GSAP: variants seen among roughly 807,000 people sequenced by gnomAD.
The protein encoded by GSAP is gamma-secretase activating protein, also known as gamma-secretase-activating protein.
GSAP carries 118 observed loss-of-function variants against 131.7 expected under a neutral mutation model. That is an observed-to-expected ratio of 0.90 (90% CI 0.77 to 1.04). The LOEUF (loss-of-function observed/expected upper bound fraction) is 1.04, where lower values mean the gene tolerates loss of function less well. Among genes scored for constraint, GSAP ranks in the 50% least tolerant of loss-of-function variants. The pLI, the probability that GSAP is intolerant of heterozygous loss-of-function variation, is 0.00. For synonymous variants in GSAP, 381 were observed against 363.4 expected (o/e 1.05, Z -0.55); for missense variants, 1,019 against 1,013.2 (o/e 1.01, Z -0.08).
chr7:77,416,217 G>A lies in GSAP; in HGVS notation c.105C>T (p.Gly35=). Residue 35 remains glycine, a synonymous_variant, in exon 1 of 31, where the codon GGC becomes GGT. Transcript: ENST00000257626. The stretch of plus-strand genomic sequence containing the variant: ...TCCGCAGCGCGCCTCCCGCACCTGC[G>A]CCGCCGCTTCCGGCCCCGCTGGCCT... ...VSEASGAGSG[G]ADVLENDYES... 2 of 1,393,912 alleles carry A rather than the reference G, an allele frequency of 1.4e-6. No homozygotes were observed. The highest frequency in any genetic ancestry group is 1.6e-5 in the African/African-American group (1 of 64,502). 86.3% of individuals were successfully genotyped at this position (1,393,912 alleles called of 1,614,324 possible). A position where few individuals can be genotyped will look rare whatever the true frequency, so the allele number is the denominator to read the frequency against.
chr7:77,349,605 A>C (rs1792463086), intron 18 of GSAP, among the ~76,000 whole-genome samples: 1 of 152,210 alleles, frequency 6.6e-6, no homozygotes, highest in Non-Finnish European at 1.5e-5. Flanking sequence ...ACATTCTTTA[A>C]AGTCACAATT....
At chr7:77,344,191 C>T (rs1791452068) in intron 19 of GSAP, among the ~76,000 whole-genome samples, 1 of 152,166 alleles carries the variant, frequency 6.6e-6, no homozygotes, top group Admixed American at 6.5e-5. Context: ...AGTCCAATAA[C>T]ACACAGGCCT....
intron 19 of GSAP, among the ~76,000 whole-genome samples, chr7:77,333,545 G>T (rs968724213): frequency 2.0e-5 from 3 of 152,114 alleles, no homozygotes; most frequent in African/African-American, 7.2e-5. Flanking sequence ...GTTCAGCCAG[G>T]ACTGACAACA....
rs149046223 is a variant in GSAP, at chr7:77,330,128, C to T, written c.1674+111G>A. 4.5e-3 allele frequency: 5,590 copies of T among 1,250,742 alleles called. 21 individuals carry two copies. The highest frequency in any genetic ancestry group is 0.022 in the Middle Eastern group (88 of 4,030). 77.5% of individuals were successfully genotyped at this position (1,250,742 alleles called of 1,614,324 possible). On this transcript the variant is annotated intron_variant, in intron 20 of 30. Coordinates refer to ENST00000257626, the MANE Select transcript of GSAP (RefSeq NM_017439.4). ...GTAATGACAATGATCAAGTCCCTGGCAATTGGGAAGAGTGCTGCACATGGA... is the reference window on the plus strand; with the variant it reads ...GTAATGACAATGATCAAGTCCCTGGTAATTGGGAAGAGTGCTGCACATGGA...
At chr7:77,402,270 C>A (rs1005174211) in intron 3 of GSAP, among the ~76,000 whole-genome samples, 22 of 150,244 alleles carry the variant, frequency 1.5e-4, no homozygotes, top group African/African-American at 5.4e-4. Context: ...AATCTTAGGC[C>A]GGGCACGGTG....
chr7:77,377,339 C>G lies in GSAP; in HGVS notation c.628G>C (p.Val210Leu), dbSNP rs201156464. 114 of 1,563,636 alleles carry G rather than the reference C, an allele frequency of 7.3e-5. No homozygotes were observed. Among genetic ancestry groups the G allele is most frequent in the Non-Finnish European group, 9.5e-5 (110 of 1,160,914 alleles). ...TCTGACATATCCCACTGAGCCCAAA[C>G]GAAATCCTCAGCTATTCTGTCTCTT... The part of the protein sequence containing the change: ...LPRDRIAEDF[V>L]WAQWDMSEQR... Residue 210 changes from valine to leucine, a missense_variant, in exon 9 of 31, where the codon GTT (valine) becomes CTT (leucine). By Grantham distance (32) the Val-to-Leu change is conservative (BLOSUM62 1). Coordinates refer to ENST00000257626, the MANE Select transcript of GSAP (RefSeq NM_017439.4).
At chr7:77,403,787 C>A (rs1040426790) in intron 3 of GSAP, among the ~76,000 whole-genome samples, 5 of 152,160 alleles carry the variant, frequency 3.3e-5, no homozygotes, top group African/African-American at 1.2e-4. Context: ...GTCTAAGAGA[C>A]CTCACCTCAC....
At chr7:77,384,137 A>G (rs1390863522) in intron 6 of GSAP, among the ~76,000 whole-genome samples, 1 of 152,236 alleles carries the variant, frequency 6.6e-6, no homozygotes. Flanking sequence ...GACACCACAT[A>G]TAGGATGGGA....
chr7:77,377,609 A>G (rs10953216), intron 8 of GSAP, among the ~76,000 whole-genome samples: 11,135 of 152,182 alleles, frequency 0.073, 429 homozygotes, highest in Middle Eastern at 0.11. Flanking sequence ...CGTATAATAT[A>G]TGATTTTATT....
chr7:77,404,084 C>T (rs968910649), intron 3 of GSAP, among the ~76,000 whole-genome samples: 3 of 152,116 alleles, frequency 2.0e-5, no homozygotes, highest in African/African-American at 4.8e-5. Context: ...CATACTCAAT[C>T]GAGTTAAATC....
chr7:77,350,721 C>T (rs906231035), intron 18 of GSAP, among the ~76,000 whole-genome samples: 13 of 151,960 alleles, frequency 8.6e-5, no homozygotes, highest in African/African-American at 2.9e-4. Flanking sequence ...CCAGACTGGA[C>T]GACAGAGCAA....
At chr7:77,416,126 G>A in intron 1 of GSAP, 87 bp downstream of exon 1, 1 of 731,118 alleles carries the variant, frequency 1.4e-6, no homozygotes, top group Non-Finnish European at 2.0e-6. Context: ...CGACGCCCCG[G>A]GTTGCTCCCC....
intron 14 of GSAP, among the ~76,000 whole-genome samples, chr7:77,356,813 TAAG>T (rs1362277756): frequency 6.6e-6 from 1 of 152,196 alleles, no homozygotes; most frequent in Non-Finnish European, 1.5e-5. Context: ...CTCCTTTTCC[TAAG>T]AAGTGAAGGA....
intron 16 of GSAP, 94 bp downstream of exon 16, chr7:77,355,119 T>C (rs1793461241): frequency 3.8e-6 from 3 of 790,504 alleles, no homozygotes; most frequent in Non-Finnish European, 6.2e-6. Flanking sequence ...TAATTGTTAC[T>C]AAATAAAAAT....
At chr7:77,374,025 A>C in intron 12 of GSAP, 45 bp downstream of exon 12, 1 of 1,066,972 alleles carries the variant, frequency 9.4e-7, no homozygotes, top group South Asian at 1.3e-5. Flanking sequence ...TTTGTCTAGA[A>C]CTCAAATACG....
chr7:77,344,565 A>C (rs1212417472), intron 19 of GSAP, among the ~76,000 whole-genome samples: 1 of 115,388 alleles, frequency 8.7e-6, no homozygotes, highest in African/African-American at 3.4e-5. Flanking sequence ...ACTGTTCTCA[A>C]CTACTCATAA....
At chr7:77,386,417 TTG>T (rs1232243493) in intron 6 of GSAP, among the ~76,000 whole-genome samples, 1 of 152,228 alleles carries the variant, frequency 6.6e-6, no homozygotes, top group Non-Finnish European at 1.5e-5. Flanking sequence ...GGATTGTCTT[TTG>T]GGATTATGAT....
chr7:77,398,866 T>C (rs1395540688), intron 3 of GSAP, among the ~76,000 whole-genome samples: 1 of 152,256 alleles, frequency 6.6e-6, no homozygotes, highest in Non-Finnish European at 1.5e-5. Context: ...TCTATATTTA[T>C]GCACTTATAT....
At chr7:77,351,653 T>G in intron 18 of GSAP, 1 of 985,786 alleles carries the variant, frequency 1.0e-6, no homozygotes, top group South Asian at 4.7e-5. Flanking sequence ...GATGTCACCC[T>G]GTGCGTGTCC....
Sources: allele counts gnomAD v4.1 joint callset (sites outside exome capture counted in the v4.1 genomes callset), GRCh38; gene constraint gnomAD v4.1.1; transcripts MANE v1.5; gene names NCBI Gene and HGNC (gene_info 2026-07-23, HGNC 2026-07-21).